PCDHA9: variants seen among roughly 807,000 people sequenced by gnomAD.
PCDHA9 encodes protocadherin alpha-9.
In PCDHA9, 62 loss-of-function variants were observed where a neutral mutation model predicts 62.0. That is an observed-to-expected ratio of 1.00 (90% CI 0.81 to 1.23). The LOEUF is 1.23. Ranked by LOEUF, PCDHA9 falls within the 50% of genes most tolerant of loss-of-function variation. The pLI, the probability that PCDHA9 is intolerant of heterozygous loss-of-function variation, is 0.00. For missense variants in PCDHA9, 1,205 were observed against 1,249.8 expected (o/e 0.96, Z 0.54); for synonymous variants, 557 against 567.6 (o/e 0.98, Z 0.27).
intron 1 of PCDHA9, among the ~76,000 whole-genome samples, chr5:140,939,496 T>C (rs1056805885): frequency 4.6e-5 from 7 of 150,952 alleles, no homozygotes; most frequent in African/African-American, 1.5e-4. Context: ...AATTATAAAT[T>C]CAATGTCTAT....
chr5:140,994,962 T>C (rs2097657475), intron 3 of PCDHA9, among the ~76,000 whole-genome samples: 2 of 152,208 alleles, frequency 1.3e-5, no homozygotes, highest in Admixed American at 1.3e-4. Flanking sequence ...TGTAGTTTCA[T>C]TTGTTGGCCA....
At chr5:140,888,260 A>G (rs563968634) in intron 1 of PCDHA9, among the ~76,000 whole-genome samples, 1 of 152,194 alleles carries the variant, frequency 6.6e-6, no homozygotes, top group South Asian at 2.1e-4. Flanking sequence ...GTAGTTCTTG[A>G]TAAGAAACAG....
rs2150409803 is a variant in PCDHA9, at chr5:140,848,387, C to G, written c.-109C>G. The G allele has an allele frequency of 1.0e-3, 1,245 of 1,223,718 alleles. 70 individuals are homozygous for G. In the African/African-American group the frequency reaches 0.017, roughly 16 times the overall value. 75.8% of individuals were successfully genotyped at this position (1,223,718 alleles called of 1,614,324 possible). On this transcript the variant is annotated 5_prime_UTR_variant, in exon 1 of 4. Coordinates refer to ENST00000532602, the MANE Select transcript of PCDHA9 (RefSeq NM_031857.2). The stretch of plus-strand genomic sequence containing the variant: ...AAGAGGCTCAATTCTTTTTCACTCT[C>G]TCTGTGCTGAACGATGGCGAACACA...
At chr5:140,931,982 T>G (rs1486789443) in intron 1 of PCDHA9, among the ~76,000 whole-genome samples, 1 of 151,968 alleles carries the variant, frequency 6.6e-6, no homozygotes, top group Non-Finnish European at 1.5e-5. Context: ...GTTTATATTT[T>G]GCTCAAATTC....
At chr5:140,870,893 A>G in intron 1 of PCDHA9, 1 of 1,613,930 alleles carries the variant, frequency 6.2e-7, no homozygotes, top group Non-Finnish European at 8.5e-7. Flanking sequence ...CGCGCAGTGG[A>G]TGCGGACTCA....
At chr5:141,000,412 TATATATA>T (rs1563651366) in intron 3 of PCDHA9, among the ~76,000 whole-genome samples, 7 of 102,770 alleles carry the variant, frequency 6.8e-5, no homozygotes, top group African/African-American at 2.7e-4. Context: ...TATATATATA[TATATATA>T]TATTTTTTTT....
At chr5:140,882,228 T>C in intron 1 of PCDHA9, 8 of 1,564,682 alleles carry the variant, frequency 5.1e-6, no homozygotes, top group Non-Finnish European at 6.9e-6. Flanking sequence ...GGTAAGGCGT[T>C]GTATATATTG....
At chr5:140,898,408 G>A (rs1189859035) in intron 1 of PCDHA9, among the ~76,000 whole-genome samples, 7 of 152,096 alleles carry the variant, frequency 4.6e-5, no homozygotes, top group African/African-American at 9.7e-5. Flanking sequence ...TTCTACATAC[G>A]GCTAGCCAGT....
chr5:140,971,420 TGAA>T (rs782149033), intron 1 of PCDHA9, among the ~76,000 whole-genome samples: 3 of 152,112 alleles, frequency 2.0e-5, no homozygotes, highest in Non-Finnish European at 4.4e-5. Flanking sequence ...GGAAATCCAG[TGAA>T]GAACCCCAAG....
chr5:140,927,325 C>T, intron 1 of PCDHA9: 6 of 1,614,234 alleles, frequency 3.7e-6, no homozygotes, highest in South Asian at 1.1e-5. Context: ...CCGCTTTACT[C>T]TCCCGAATGC....
intron 1 of PCDHA9, chr5:140,862,002 T>C (rs1430406580): frequency 6.4e-6 from 1 of 155,594 alleles, no homozygotes; most frequent in Non-Finnish European, 1.4e-5. Context: ...CACTGGTTAT[T>C]AGACTTAACC....
chr5:140,901,642 C>T lies in PCDHA9; in HGVS notation c.2394+50753C>T, dbSNP rs369623028. Among the ~76,000 whole-genome samples, 37 of 152,054 alleles carry T rather than the reference C, an allele frequency of 2.4e-4. No individual in the cohort carries two copies. In the East Asian group the frequency reaches 3.3e-3, roughly 13 times the overall value. On this transcript the variant is annotated intron_variant, in intron 1 of 3. Transcript: ENST00000532602. ...TTGAAGTCAGGTAATGTGATTCTTC[C>T]GGTTTTGTTCTTTTTGCTCAAGATA...
At chr5:141,001,997 CA>C (rs1587968703) in intron 3 of PCDHA9, among the ~76,000 whole-genome samples, 1 of 152,190 alleles carries the variant, frequency 6.6e-6, no homozygotes, top group Admixed American at 6.5e-5. Flanking sequence ...AGTTCACTTG[CA>C]AACACAGAAT....
chr5:140,851,967 A>G, intron 1 of PCDHA9: 1 of 977,046 alleles, frequency 1.0e-6, no homozygotes, highest in Non-Finnish European at 1.2e-6. Flanking sequence ...GGTTTTCCAC[A>G]CTCTACCTTT....
In PCDHA9 at chr5:140,929,213, A is replaced by T. The variant is rs199608631; in HGVS notation, c.2395-49736A>T. On this transcript the variant is annotated intron_variant, in intron 1 of 3. Coordinates refer to ENST00000532602, the MANE Select transcript of PCDHA9 (RefSeq NM_031857.2). ...AATAACAGTTTGCTGTTGCGTGGGG[A>T]GTACAATGCTGCCGACCTGCGAAAT... 3 of 1,614,052 alleles carry T rather than the reference A, an allele frequency of 1.9e-6. No homozygotes were observed. The East Asian group carries it at 6.7e-5, about 36-fold the overall frequency.
At chr5:140,956,181 T>C (rs1351584707) in intron 1 of PCDHA9, among the ~76,000 whole-genome samples, 1 of 152,212 alleles carries the variant, frequency 6.6e-6, no homozygotes, top group South Asian at 2.1e-4. Flanking sequence ...CTTCCAATAC[T>C]ATGCTGAATA....
chr5:140,878,011 A>G (rs1008308579), intron 1 of PCDHA9: 1 of 843,992 alleles, frequency 1.2e-6, no homozygotes, highest in Non-Finnish European at 1.7e-6. Flanking sequence ...TCTAACATTA[A>G]TGAAGGAAAT....
In PCDHA9 at chr5:140,886,699, G is replaced by A. The variant is rs540537249; in HGVS notation, c.2394+35810G>A. Among the ~76,000 whole-genome samples the A allele has an allele frequency of 7.8e-4, 119 of 151,966 alleles. 1 individual carries two copies. In the East Asian group the frequency reaches 0.01, roughly 13 times the overall value. ...AAATTAGCGAGGCATGGTGGCACGC[G>A]CCTGTAATCCCAGCTACTTGGGAGG... On this transcript the variant is annotated intron_variant, in intron 1 of 3. Transcript: ENST00000532602.
At chr5:140,862,360 G>A (rs920511235) in intron 1 of PCDHA9, 3 of 334,748 alleles carry the variant, frequency 9.0e-6, no homozygotes, top group Non-Finnish European at 1.8e-5. Context: ...AGGGACAGAC[G>A]ACCCGCACCC....
Sources: allele counts gnomAD v4.1 joint callset (sites outside exome capture counted in the v4.1 genomes callset), GRCh38; gene constraint gnomAD v4.1.1; transcripts MANE v1.5; gene names NCBI Gene and HGNC (gene_info 2026-07-23, HGNC 2026-07-21).